Variants in HDAC9 observed in about 807,000 individuals in gnomAD.
HDAC9 encodes the protein histone deacetylase 9.
In HDAC9, 41 loss-of-function variants were observed where a neutral mutation model predicts 139.4. The ratio of observed to expected loss-of-function variants is 0.29; its 90% CI spans 0.23 to 0.38. The LOEUF (loss-of-function observed/expected upper bound fraction) is 0.38, where lower values mean the gene tolerates loss of function less well. Ranked by LOEUF, HDAC9 falls within the 10% of genes least tolerant of loss-of-function variation. The pLI is 1.00. For synonymous variants in HDAC9, 517 were observed against 476.2 expected, an observed-to-expected ratio of 1.09 and a Z score of -1.12; for missense variants, 1,147 against 1,297.0, an observed-to-expected ratio of 0.88 and a Z score of 1.78.
At chr7:18,795,068 C>T (rs1291579051) in intron 17 of HDAC9, among the ~76,000 whole-genome samples, 2 of 151,812 alleles carry the variant, frequency 1.3e-5, no homozygotes, top group African/African-American at 4.8e-5. Flanking sequence ...AACATAATTC[C>T]ATGTTTAGAA....
chr7:18,762,529 A>G (rs1357513412), intron 15 of HDAC9, among the ~76,000 whole-genome samples: 1 of 152,104 alleles, frequency 6.6e-6, no homozygotes, highest in Non-Finnish European at 1.5e-5. Flanking sequence ...CATTTGTACA[A>G]TGTGTTTTTG....
At chr7:18,269,492 A>G (rs2128212234) in intron 2 of HDAC9, among the ~76,000 whole-genome samples, 3 of 152,300 alleles carry the variant, frequency 2.0e-5, no homozygotes, top group Admixed American at 2.0e-4. Context: ...ATGCACCAGA[A>G]AAGAAGACCT....
chr7:18,103,677 G>A (rs1782999682), intron 1 of HDAC9, among the ~76,000 whole-genome samples: 1 of 152,158 alleles, frequency 6.6e-6, no homozygotes, highest in Non-Finnish European at 1.5e-5. Flanking sequence ...CTTGGAATCT[G>A]CGACCTTAAG....
chr7:18,347,679 C>T (rs753384556), intron 1 of HDAC9, among the ~76,000 whole-genome samples: 2 of 152,100 alleles, frequency 1.3e-5, no homozygotes, highest in African/African-American at 4.8e-5. Context: ...CTCACTGTAA[C>T]CTCTGCCTCC....
chr7:18,445,191 C>T (rs548569181), intron 1 of HDAC9, among the ~76,000 whole-genome samples: 1 of 152,210 alleles, frequency 6.6e-6, no homozygotes, highest in East Asian at 1.9e-4. Flanking sequence ...AACAGATTAC[C>T]TACTTAATCA....
At chr7:18,678,277 G>A (rs1439396849) in intron 12 of HDAC9, among the ~76,000 whole-genome samples, 5 of 151,660 alleles carry the variant, frequency 3.3e-5, no homozygotes, top group Non-Finnish European at 5.9e-5. Context: ...CTAGTTTTTA[G>A]CAAATTGATT....
intron 13 of HDAC9, among the ~76,000 whole-genome samples, chr7:18,737,992 T>C (rs1414441954): frequency 1.3e-5 from 2 of 152,258 alleles, no homozygotes; most frequent in African/African-American, 4.8e-5. Context: ...CTTGTTGAAT[T>C]GATCCCTTTA....
At chr7:18,954,864 G>A (rs572833826) in intron 24 of HDAC9, among the ~76,000 whole-genome samples, 5 of 152,202 alleles carry the variant, frequency 3.3e-5, no homozygotes, top group South Asian at 2.1e-4. Context: ...CTACTGTCTT[G>A]TAGAAGCATT....
intron 21 of HDAC9, among the ~76,000 whole-genome samples, chr7:18,862,538 T>C (rs943632200): frequency 2.6e-5 from 4 of 152,326 alleles, no homozygotes; most frequent in African/African-American, 9.6e-5. Flanking sequence ...AATTTTGAGA[T>C]GGCACACTGT....
At chr7:18,564,837 C>T (rs1468458381) in intron 2 of HDAC9, among the ~76,000 whole-genome samples, 1 of 152,064 alleles carries the variant, frequency 6.6e-6, no homozygotes, top group African/African-American at 2.4e-5. Context: ...TTAAGCTCAT[C>T]TTTGGGCTTC....
intron 2 of HDAC9, among the ~76,000 whole-genome samples, chr7:18,578,353 C>T (rs1826695311): frequency 6.6e-6 from 1 of 152,172 alleles, no homozygotes; most frequent in Non-Finnish European, 1.5e-5. Context: ...TGAGCAGAGG[C>T]GATCAGCTTT....
At chr7:18,449,342 T>C (rs1792582491) in intron 1 of HDAC9, among the ~76,000 whole-genome samples, 1 of 152,156 alleles carries the variant, frequency 6.6e-6, no homozygotes, top group Non-Finnish European at 1.5e-5. Flanking sequence ...CTTACAAATA[T>C]AATACTGAAA....
intron 2 of HDAC9, among the ~76,000 whole-genome samples, chr7:18,205,457 T>G (rs963083627): frequency 2.0e-5 from 3 of 152,058 alleles, no homozygotes; most frequent in African/African-American, 4.8e-5. Context: ...AATCAAAGTC[T>G]TGCTGGAAAA....
chr7:18,651,636 C>T (rs1238171651), intron 11 of HDAC9, among the ~76,000 whole-genome samples: 1 of 151,798 alleles, frequency 6.6e-6, no homozygotes, highest in Non-Finnish European at 1.5e-5. Flanking sequence ...AAGAGTTTTT[C>T]ATATCTTGCT....
intron 22 of HDAC9, among the ~76,000 whole-genome samples, chr7:18,917,855 T>A (rs76379580): frequency 0.048 from 7,329 of 151,990 alleles, 250 homozygotes; most frequent in South Asian, 0.13. Context: ...ATACATGCAA[T>A]GGAAAGCCTA....
chr7:18,181,867 G>A (rs190296136), intron 2 of HDAC9, among the ~76,000 whole-genome samples: 10 of 152,264 alleles, frequency 6.6e-5, no homozygotes, highest in African/African-American at 2.2e-4. Flanking sequence ...ACAAATGCAA[G>A]TCAAAATACT....
At chr7:18,916,185 C>T (rs1803194018) in intron 22 of HDAC9, among the ~76,000 whole-genome samples, 2 of 151,986 alleles carry the variant, frequency 1.3e-5, no homozygotes, top group Admixed American at 1.3e-4. Context: ...AGTGTACTAG[C>T]GTGAATATGA....
At chr7:18,117,402 C>T (rs981812293) in intron 1 of HDAC9, among the ~76,000 whole-genome samples, 22 of 151,728 alleles carry the variant, frequency 1.4e-4, no homozygotes, top group Middle Eastern at 3.4e-3. Context: ...AGGAGAATCG[C>T]GTGAACCTGG....
intron 15 of HDAC9, among the ~76,000 whole-genome samples, chr7:18,763,341 T>C (rs1367542167): frequency 6.6e-6 from 1 of 152,220 alleles, no homozygotes; most frequent in Non-Finnish European, 1.5e-5. Context: ...TGCAGGCATA[T>C]GAGTGAGCAT....
Sources: gnomAD v4.1 joint callset for allele counts (sites outside exome capture counted in the v4.1 genomes callset) on GRCh38, gnomAD v4.1.1 for gene constraint, MANE v1.5 for transcripts, NCBI Gene and HGNC (gene_info 2026-07-23, HGNC 2026-07-21) for gene names.